The following GNAS variants were observed in gnomAD, a reference collection of about 807,000 sequenced individuals.
GNAS encodes the protein GNAS complex locus.
Under a neutral mutation model 54.5 loss-of-function variants are expected in GNAS, and 8 were observed. The ratio of observed to expected loss-of-function variants is 0.15; its 90% CI spans 0.09 to 0.26. The LOEUF is 0.26. Ranked by LOEUF, GNAS falls within the 10% of genes least tolerant of loss-of-function variation. The pLI, the probability that GNAS is intolerant of heterozygous loss-of-function variation, is 1.00. For missense variants in GNAS, 170 were observed against 529.8 expected (o/e 0.32, Z 6.67); for synonymous variants, 204 against 191.4 (o/e 1.07, Z -0.54).
chr20:58,855,267 C>T lies in GNAS; in HGVS notation c.43+14381C>T, dbSNP rs1486218423. On this transcript the variant is annotated intron_variant, in intron 1 of 12. Transcript: ENST00000306090. ...GCGCGCAGAGAAGAAACGCAGTAAG[C>T]TCATCGACAAACAACTCCAGGACGA... 1 of 1,587,224 alleles carries T rather than the reference C, an allele frequency of 6.3e-7. No homozygotes were observed. The highest frequency in any genetic ancestry group is 8.6e-7 in the Non-Finnish European group (1 of 1,166,384).
intron 1 of GNAS, among the ~76,000 whole-genome samples, chr20:58,859,628 CTTT>C (rs527301154): frequency 1.4e-5 from 2 of 138,812 alleles, no homozygotes; most frequent in African/African-American, 2.6e-5. Flanking sequence ...ATATCAGACA[CTTT>C]TTTTTTTTTT....
chr20:58,839,933 T>G, upstream of GNAS: 1 of 650,200 alleles, frequency 1.5e-6, no homozygotes, highest in Non-Finnish European at 2.7e-6. Context: ...TCTTAAGTGG[T>G]CAGGAAGGTA....
intron 2 of GNAS, among the ~76,000 whole-genome samples, chr20:58,896,310 C>T (rs2090045756): frequency 6.6e-6 from 1 of 152,006 alleles, no homozygotes; most frequent in Non-Finnish European, 1.5e-5. Flanking sequence ...GTACCCCTGC[C>T]TACAGAAAAG....
Position 58,909,438 on chromosome 20 carries a change from A to G in GNAS, c.659+15A>G, listed in dbSNP as rs2091291386. 1 of 1,611,428 alleles carries G rather than the reference A, an allele frequency of 6.2e-7. No homozygotes were observed. Among genetic ancestry groups the G allele is most frequent in the Non-Finnish European group, 8.5e-7 (1 of 1,177,640 alleles). On this transcript the variant is annotated intron_variant, in intron 8 of 12. Transcript: ENST00000371085. The surrounding 1 kb of genome is among the most constrained non-coding windows in gnomAD (Gnocchi z 7.3). ...GTCAACTTCCAGTAAGCCAACTGTT[A>G]CCTTTTTATATAACAGAGATCATGG...
At chr20:58,900,004 T>C (rs777608561) in intron 3 of GNAS, 5 of 712,330 alleles carry the variant, frequency 7.0e-6, no homozygotes, top group South Asian at 4.4e-5. Context: ...CTATGTCCTA[T>C]CACAATTTGC....
At chr20:58,864,526 G>T (rs541122354) in intron 1 of GNAS, among the ~76,000 whole-genome samples, 1 of 152,118 alleles carries the variant, frequency 6.6e-6, no homozygotes. Flanking sequence ...TAAATGACTG[G>T]CTCTAGAAGG....
chr20:58,906,842 A>C (rs1474385297), intron 6 of GNAS, among the ~76,000 whole-genome samples: 2 of 152,184 alleles, frequency 1.3e-5, no homozygotes, highest in African/African-American at 4.8e-5. Context: ...AAATGTAAAG[A>C]TATCTTCTGT....
intron 6 of GNAS, 188 bp from the exon 7 acceptor site, chr20:58,908,974 A>C: frequency 2.7e-6 from 2 of 745,118 alleles, no homozygotes; most frequent in Admixed American, 1.7e-5. Context: ...TGTTTGCCCT[A>C]ACCTTCTTAA....
At chr20:58,870,630 C>A (rs2087379333) in intron 1 of GNAS, among the ~76,000 whole-genome samples, 1 of 152,214 alleles carries the variant, frequency 6.6e-6, no homozygotes, top group Non-Finnish European at 1.5e-5. Context: ...TTACTTTTAA[C>A]ACCAATACAG....
Position 58,891,597 on chromosome 20 carries a change from C to G in GNAS, c.-130C>G, listed in dbSNP as rs1028166274. 1 of 972,256 alleles carries G rather than the reference C, an allele frequency of 1.0e-6. No homozygotes were observed. Among genetic ancestry groups the G allele is most frequent in the Non-Finnish European group, 1.2e-6 (1 of 823,260 alleles). The allele number at this position is 972,256 out of a possible 1,614,324, so 60.2% of individuals were successfully genotyped here. A position where few individuals can be genotyped will look rare whatever the true frequency, so the allele number is the denominator to read the frequency against. On this transcript the variant is annotated 5_prime_UTR_variant, in exon 1 of 13. Transcript: ENST00000371085. ...CGGCCCGCAGTCCGCCCCGCGCGCT[C>G]CTTGCCGAGGAGCCGAGCCCGCGCC...
intron 6 of GNAS, among the ~76,000 whole-genome samples, chr20:58,906,069 T>C (rs909943746): frequency 2.0e-5 from 3 of 152,212 alleles, no homozygotes; most frequent in Non-Finnish European, 2.9e-5. Flanking sequence ...CACCGGGTCT[T>C]GATTCAAGGA....
chr20:58,846,454 C>T (rs2085943827), intron 1 of GNAS, among the ~76,000 whole-genome samples: 1 of 152,186 alleles, frequency 6.6e-6, no homozygotes, highest in Non-Finnish European at 1.5e-5. Context: ...AGACCTGGTC[C>T]AAAAATTCCA....
In GNAS at chr20:58,841,206, C is replaced by T; in HGVS notation, c.43+320C>T. 1 of 622,884 alleles carries T rather than the reference C, an allele frequency of 1.6e-6. No homozygotes were observed. The highest frequency in any genetic ancestry group is 2.3e-6 in the Non-Finnish European group (1 of 436,820). 38.6% of individuals were successfully genotyped at this position (622,884 alleles called of 1,614,324 possible). The stretch of plus-strand genomic sequence containing the variant: ...AACGCACCCCAGATTTGGAGCTGCA[C>T]ACCCAAACGGCATTGGTAAGTCACT... On this transcript the variant is annotated intron_variant, in intron 1 of 12. Coordinates refer to the GNAS transcript ENST00000306090. This position sits in a 1 kb window ranked among gnomAD's most constrained non-coding sequence, Gnocchi z 5.0.
intron 1 of GNAS, among the ~76,000 whole-genome samples, chr20:58,860,854 G>C (rs946783085): frequency 6.6e-6 from 1 of 152,124 alleles, no homozygotes; most frequent in Non-Finnish European, 1.5e-5. Context: ...TAGAGATGGG[G>C]TTTCACCATG....
intron 3 of GNAS, 56 bp from the exon 4 acceptor site, chr20:58,903,475 T>G: frequency 3.7e-6 from 5 of 1,356,500 alleles, no homozygotes; most frequent in Non-Finnish European, 5.3e-6. Context: ...ATGAAAGCAG[T>G]ACTCCTAACT....
At chr20:58,879,841 G>C (rs975636043) in intron 1 of GNAS, among the ~76,000 whole-genome samples, 1 of 152,136 alleles carries the variant, frequency 6.6e-6, no homozygotes, top group African/African-American at 2.4e-5. Flanking sequence ...TTAGAATTTA[G>C]AGGAAGCTGA....
upstream of GNAS, chr20:58,840,348 A>T (rs2085670184): frequency 1.2e-6 from 2 of 1,613,086 alleles, no homozygotes; most frequent in Non-Finnish European, 1.7e-6. This position sits in a 1 kb window ranked among gnomAD's most constrained non-coding sequence, Gnocchi z 6.0. Flanking sequence ...GAGTCCCCCG[A>T]ATCGGAATCT....
At chr20:58,852,825 G>C in intron 1 of GNAS, 1 of 238,444 alleles carries the variant, frequency 4.2e-6, no homozygotes, top group Non-Finnish European at 8.0e-6. Flanking sequence ...GCCAGGAGCA[G>C]GCTCCTGGAG....
Position 58,853,689 on chromosome 20 carries a change from G to A in GNAS, c.43+12803G>A, listed in dbSNP as rs1230333100. The A allele has an allele frequency of 5.6e-6, 9 of 1,613,568 alleles. No homozygotes were observed. Among genetic ancestry groups the A allele is most frequent in the South Asian group, 1.1e-5 (1 of 91,084 alleles). On this transcript the variant is annotated intron_variant, in intron 1 of 12. Coordinates refer to the GNAS transcript ENST00000306090. This position sits in a 1 kb window ranked among gnomAD's most constrained non-coding sequence, Gnocchi z 4.4. ...CTTCGGCCCAGCACTCATGGAGCCC[G>A]GAGCCTTCAGTGGTGCCAGACCAGG... is the stretch of plus-strand genomic sequence containing the variant.
Sources: gnomAD v4.1 joint callset for allele counts (sites outside exome capture counted in the v4.1 genomes callset) on GRCh38, gnomAD v4.1.1 for gene constraint, Gnocchi (gnomAD v3.1) non-coding constraint, MANE v1.5 for transcripts, NCBI Gene and HGNC (gene_info 2026-07-23, HGNC 2026-07-21) for gene names.